Variants in PTPRZ1 observed in about 807,000 individuals in gnomAD.
PTPRZ1 encodes receptor-type tyrosine-protein phosphatase zeta.
Under a neutral mutation model 214.1 loss-of-function variants are expected in PTPRZ1, and 82 were observed. The ratio of observed to expected loss-of-function variants is 0.38; its 90% CI spans 0.32 to 0.46. The LOEUF is 0.46. Among genes scored for constraint, PTPRZ1 ranks in the 20% least tolerant of loss-of-function variants. PTPRZ1 has a pLI of 1.00. For synonymous variants in PTPRZ1, 945 were observed against 987.9 expected (o/e 0.96, Z 0.81); for missense variants, 2,603 against 2,748.7 (o/e 0.95, Z 1.19).
chr7:122,054,059 T>C, intron 26 of PTPRZ1, 21 bp downstream of exon 26: 7 of 1,611,180 alleles, frequency 4.3e-6, no homozygotes, highest in Non-Finnish European at 5.9e-6. Context: ...TAGACCACTT[T>C]TGGGACTTCC....
chr7:121,890,804 G>A (rs958291170), intron 1 of PTPRZ1, among the ~76,000 whole-genome samples: 2 of 151,876 alleles, frequency 1.3e-5, no homozygotes, highest in Non-Finnish European at 2.9e-5. Flanking sequence ...TGAGTAACTG[G>A]GACTACAGGC....
intron 2 of PTPRZ1, among the ~76,000 whole-genome samples, chr7:121,940,053 C>T (rs779920674): frequency 6.6e-6 from 1 of 152,142 alleles, no homozygotes; most frequent in Non-Finnish European, 1.5e-5. Flanking sequence ...CCGCATTCTT[C>T]CTGCTTTTGG....
chr7:122,033,967 T>C (rs2150471785), intron 15 of PTPRZ1, 128 bp from the exon 16 acceptor site: 1 of 780,590 alleles, frequency 1.3e-6, no homozygotes, highest in East Asian at 2.6e-5. Flanking sequence ...TGTTAGTATT[T>C]GACAAATGTA....
At chr7:121,892,695 T>C (rs1301741695) in intron 1 of PTPRZ1, among the ~76,000 whole-genome samples, 1 of 40,714 alleles carries the variant, frequency 2.5e-5, no homozygotes, top group African/African-American at 9.7e-5. Flanking sequence ...TATATATATA[T>C]ATATATATAT....
rs1792457815 is a variant in PTPRZ1, at chr7:122,058,657, T to C, written c.6529-143T>C. On this transcript the variant is annotated intron_variant, in intron 27 of 29. Coordinates refer to ENST00000393386, the MANE Select transcript of PTPRZ1 (RefSeq NM_002851.3). ...TCACAACTGTTTCTTCCTTCTATGA[T>C]GAAGAATGTGCTGCAACTACTGCTG... 8.6e-6 allele frequency: 5 copies of C among 580,812 alleles called. No homozygotes were observed. In the Admixed American group the frequency reaches 1.7e-4, roughly 20 times the overall value. The allele number at this position is 580,812 out of a possible 1,614,324, so 36.0% of individuals were successfully genotyped here. A position where few individuals can be genotyped will look rare whatever the true frequency, so the allele number is the denominator to read the frequency against.
At position 122,028,606 on chromosome 7, in the gene PTPRZ1, T is replaced by A. The variant is rs1211600463; in HGVS notation, c.5043T>A (p.Val1681=). The A allele has an allele frequency of 6.5e-7, 1 of 1,546,768 alleles. No individual in the cohort carries two copies. ...TAGAGGACAGTACATCCCCTAGAGT[T>A]ATATCCACACCTCCAACACCTATCT... The part of the protein sequence containing the change: ...FYLEDSTSPR[V]ISTPPTPIFP... The change falls in exon 14 of 30, where the codon GTT becomes GTA. Residue 1681 remains valine, a synonymous_variant. Transcript: ENST00000393386.
chr7:121,909,876 G>A (rs1304882007), intron 1 of PTPRZ1, among the ~76,000 whole-genome samples: 2 of 152,164 alleles, frequency 1.3e-5, no homozygotes, highest in African/African-American at 4.8e-5. Context: ...GACTGGAGAG[G>A]TGGAGTGAAA....
Position 121,894,455 on chromosome 7 carries a change from G to C in PTPRZ1, c.58+20898G>C, listed in dbSNP as rs1794726790. Among the ~76,000 whole-genome samples the C allele has an allele frequency of 2.0e-5, 3 of 152,080 alleles. No individual in the cohort carries two copies. The South Asian group carries it at 6.2e-4, about 32-fold the overall frequency. ...GGATCTGCCTCTGTCACTCAGGCTGGAGTGCAGTGGCATAATCTTGGCTCA... is the reference window on the plus strand; with the variant it reads ...GGATCTGCCTCTGTCACTCAGGCTGCAGTGCAGTGGCATAATCTTGGCTCA... On this transcript the variant is annotated intron_variant, in intron 1 of 29. Transcript: ENST00000393386.
At chr7:122,006,708 T>A (rs1173350414) in intron 11 of PTPRZ1, among the ~76,000 whole-genome samples, 1 of 151,846 alleles carries the variant, frequency 6.6e-6, no homozygotes, top group African/African-American at 2.4e-5. Flanking sequence ...CAGAGAAAAG[T>A]TCCTAGATAG....
At chr7:121,901,897 A>G (rs1407724627) in intron 1 of PTPRZ1, among the ~76,000 whole-genome samples, 1 of 152,204 alleles carries the variant, frequency 6.6e-6, no homozygotes, top group African/African-American at 2.4e-5. Context: ...TGAAGAATAC[A>G]ATACATTATT....
At chr7:122,054,421 A>G (rs1459381040) in intron 26 of PTPRZ1, among the ~76,000 whole-genome samples, 1 of 152,158 alleles carries the variant, frequency 6.6e-6, no homozygotes, top group Non-Finnish European at 1.5e-5. Context: ...CTTTAAAAAA[A>G]AGACCTAGTT....
intron 8 of PTPRZ1, among the ~76,000 whole-genome samples, chr7:121,990,550 C>G (rs1201565882): frequency 1.8e-5 from 2 of 109,982 alleles, no homozygotes; most frequent in East Asian, 6.0e-4. Flanking sequence ...GACAGAGTCT[C>G]TCTTTGTCAC....
intron 1 of PTPRZ1, among the ~76,000 whole-genome samples, chr7:121,925,385 A>T (rs1193489860): frequency 6.6e-6 from 1 of 152,216 alleles, no homozygotes; most frequent in Non-Finnish European, 1.5e-5. Context: ...TTTCATTTGT[A>T]AGTAGAAAGT....
At chr7:122,048,963 TCAGCAACTCAAATC>T (rs1267055425) in intron 23 of PTPRZ1, among the ~76,000 whole-genome samples, 12 of 152,062 alleles carry the variant, frequency 7.9e-5, no homozygotes, top group Non-Finnish European at 1.8e-4. Context: ...ATTTAAAATA[TCAGCAACTCAAATC>T]CAGCAGTGTA....
At chr7:121,881,479 A>T (rs748932389) in intron 1 of PTPRZ1, among the ~76,000 whole-genome samples, 6 of 152,246 alleles carry the variant, frequency 3.9e-5, no homozygotes, top group Non-Finnish European at 7.3e-5. Flanking sequence ...CCAGGTGATT[A>T]TAGAGCACAG....
intron 1 of PTPRZ1, among the ~76,000 whole-genome samples, chr7:121,890,479 C>T (rs1470257040): frequency 6.6e-6 from 1 of 152,114 alleles, no homozygotes; most frequent in Non-Finnish European, 1.5e-5. Context: ...ATTTCACTGG[C>T]TTCCCAGCTG....
chr7:122,016,488 C>T, intron 12 of PTPRZ1, among the ~76,000 whole-genome samples: 1 of 151,798 alleles, frequency 6.6e-6, no homozygotes, highest in Non-Finnish European at 1.5e-5. Context: ...CATAAGATAT[C>T]CTATTTTGTG....
chr7:122,044,427 A>C lies in PTPRZ1; in HGVS notation c.5943A>C (p.Gln1981His), dbSNP rs1488497146. 6.2e-7 allele frequency: 1 copy of C among 1,613,714 alleles called. No homozygotes were observed. The highest frequency in any genetic ancestry group is 2.2e-5 in the East Asian group (1 of 44,868). The part of the protein sequence containing the change: ...QRNYLVQTEE[Q>H]YVFIHDTLVE... ...TATTGTCATTGTTTTGCCAGGAGCAATATGTCTTCATTCATGATACACTGG... is the reference window on the plus strand; with the variant it reads ...TATTGTCATTGTTTTGCCAGGAGCACTATGTCTTCATTCATGATACACTGG... The change falls in exon 23 of 30, where the codon CAA becomes CAC. Residue 1981 changes from glutamine to histidine, a missense_variant. By Grantham distance (24) the Gln-to-His change is conservative. Coordinates refer to ENST00000393386, the MANE Select transcript of PTPRZ1 (RefSeq NM_002851.3).
chr7:121,973,336 G>A (rs1189756845), intron 4 of PTPRZ1, among the ~76,000 whole-genome samples: 2 of 151,952 alleles, frequency 1.3e-5, no homozygotes, highest in Admixed American at 1.3e-4. Context: ...ACATATAAAA[G>A]GCTCATGATA....
Sources: allele counts gnomAD v4.1 joint callset (sites outside exome capture counted in the v4.1 genomes callset), GRCh38; gene constraint gnomAD v4.1.1; transcripts MANE v1.5; gene names NCBI Gene and HGNC (gene_info 2026-07-23, HGNC 2026-07-21).